Variants in TRAK1 observed in about 807,000 individuals in gnomAD.
The protein encoded by TRAK1 is trafficking kinesin protein 1.
In TRAK1, 33 loss-of-function variants were observed where a neutral mutation model predicts 92.1. The ratio of observed to expected loss-of-function variants is 0.36; its 90% CI spans 0.27 to 0.48. TRAK1 has a LOEUF of 0.48. Ranked by LOEUF, TRAK1 falls within the 20% of genes least tolerant of loss-of-function variation. The pLI, the probability that TRAK1 is intolerant of heterozygous loss-of-function variation, is 0.99. For missense variants in TRAK1, 1,123 were observed against 1,257.9 expected (o/e 0.89, Z 1.62); for synonymous variants, 521 against 517.3 (o/e 1.01, Z -0.10).
chr3:42,061,483 C>T (rs1158118316), intron 1 of TRAK1, among the ~76,000 whole-genome samples: 1 of 152,028 alleles, frequency 6.6e-6, no homozygotes, highest in African/African-American at 2.4e-5. Flanking sequence ...CAAGGAGCTA[C>T]TTTGAAGCTG....
At chr3:42,192,184 G>T (rs1301468159) in intron 7 of TRAK1, among the ~76,000 whole-genome samples, 1 of 152,064 alleles carries the variant, frequency 6.6e-6, no homozygotes, top group African/African-American at 2.4e-5. Flanking sequence ...TTACAGGCGT[G>T]AGCCACCACC....
At chr3:42,100,021 G>C (rs1043711663) in intron 1 of TRAK1, among the ~76,000 whole-genome samples, 1 of 152,114 alleles carries the variant, frequency 6.6e-6, no homozygotes, top group Non-Finnish European at 1.5e-5. Context: ...ACAGGTTTTT[G>C]CAACTTTTGG....
intron 2 of TRAK1, chr3:42,146,325 G>A (rs951328720): frequency 3.4e-6 from 1 of 297,290 alleles, no homozygotes; most frequent in African/African-American, 2.2e-5. Context: ...CCTGACCTCA[G>A]TATTGGGATA....
At chr3:42,207,312 C>T (rs1311493013) in intron 13 of TRAK1, among the ~76,000 whole-genome samples, 4 of 152,166 alleles carry the variant, frequency 2.6e-5, no homozygotes, top group Non-Finnish European at 4.4e-5. Context: ...TCCGCAGGGA[C>T]AGCAGAGAAC....
At chr3:42,158,814 C>G (rs895290260) in intron 2 of TRAK1, among the ~76,000 whole-genome samples, 1 of 146,106 alleles carries the variant, frequency 6.8e-6, no homozygotes, top group African/African-American at 2.6e-5. Context: ...AAAAAATTAG[C>G]CAGGTGTGGT....
In TRAK1 at chr3:42,223,648, G is replaced by A. The variant is rs773389622; in HGVS notation, c.2773G>A (p.Gly925Arg). ...RRNRSFPTMVGSSMQMKAPVT... is the reference protein window; with the variant it reads ...RRNRSFPTMVRSSMQMKAPVT... ...GAATCGCAGCTTCCCCACCATGGTG[G>A]GATCTAGCATGCAGATGAAAGCTCC... The change falls in exon 16 of 16, where the codon GGA (glycine) becomes AGA (arginine). Residue 925 changes from glycine to arginine, a missense_variant. This residue lies in a region of TRAK1 where 401 missense variants were observed against 438.9 expected (regional missense o/e 0.91). Transcript: ENST00000327628. This position sits in a 1 kb window ranked among gnomAD's most constrained non-coding sequence, Gnocchi z 6.1. The A allele has an allele frequency of 2.5e-6, 4 of 1,614,112 alleles. 1 individual carries two copies. The South Asian group carries it at 4.4e-5, about 18-fold the overall frequency.
At chr3:42,064,195 TG>T (rs1703576044) in intron 1 of TRAK1, among the ~76,000 whole-genome samples, 1 of 152,198 alleles carries the variant, frequency 6.6e-6, no homozygotes, top group South Asian at 2.1e-4. Flanking sequence ...GCGGGCGCTG[TG>T]GCTCAAGCCT....
At position 42,048,534 on chromosome 3, in the gene TRAK1, TTACAGTTCTTTTTTTCCTC is replaced by T. The variant is rs202165011; in HGVS notation, c.-519+34430_-519+34448del. Among the ~76,000 whole-genome samples, 994 of 151,908 alleles carry T rather than the reference TTACAGTTCTTTTTTTCCTC, an allele frequency of 6.5e-3. 49 individuals are homozygous for T. The East Asian group carries it at 0.13, about 20-fold the overall frequency. ...CTTGTAACTTTTTCTTTTTCTTCGG[TTACAGTTCTTTTTTTCCTC>T]TACAGTTCTTTTCTTTTTTTTTTTT... On this transcript the variant is annotated intron_variant, in intron 1 of 16. Transcript: ENST00000487159.
chr3:42,025,463 A>G (rs1225434434), intron 1 of TRAK1, among the ~76,000 whole-genome samples: 1 of 152,160 alleles, frequency 6.6e-6, no homozygotes, highest in Non-Finnish European at 1.5e-5. Flanking sequence ...TTACTCTTTC[A>G]ATGTCCATAA....
chr3:42,094,598 C>A (rs1705624921), intron 1 of TRAK1, among the ~76,000 whole-genome samples: 2 of 152,034 alleles, frequency 1.3e-5, no homozygotes, highest in African/African-American at 4.8e-5. Flanking sequence ...TCTTGAACTT[C>A]TGGCCTCAAG....
chr3:42,064,950 G>A (rs1312053368), intron 1 of TRAK1, among the ~76,000 whole-genome samples: 2 of 152,140 alleles, frequency 1.3e-5, no homozygotes, highest in African/African-American at 4.8e-5. Flanking sequence ...CTACGCAGGA[G>A]GTTCAGGCAG....
chr3:42,091,265 C>T (rs1338026799), upstream of TRAK1: 2 of 547,782 alleles, frequency 3.7e-6, no homozygotes, highest in Admixed American at 3.8e-5. Context: ...ACAAGATGAG[C>T]TGATAGGGTT....
chr3:42,202,918 A>T lies in TRAK1; in HGVS notation c.1744+166A>T. On this transcript the variant is annotated intron_variant, in intron 13 of 15. Transcript: ENST00000327628. The surrounding 1 kb of genome is among the most constrained non-coding windows in gnomAD (Gnocchi z 6.1). ...TTCCTCTGAGGGTGGTGCTCAGCCT[A>T]GGCCTCCGTCCCTCCCCTCTGGCTG... 1 of 1,423,858 alleles carries T rather than the reference A, an allele frequency of 7.0e-7. No homozygotes were observed. The highest frequency in any genetic ancestry group is 9.2e-7 in the Non-Finnish European group (1 of 1,088,620). The allele number at this position is 1,423,858 out of a possible 1,614,324, so 88.2% of individuals were successfully genotyped here. A position where few individuals can be genotyped will look rare whatever the true frequency, so the allele number is the denominator to read the frequency against.
At chr3:42,217,233 G>C in intron 14 of TRAK1, 2 of 984,924 alleles carry the variant, frequency 2.0e-6, no homozygotes, top group Non-Finnish European at 2.4e-6. Context: ...TCTCTCTGTT[G>C]TGTCTCAAGG....
At chr3:42,212,451 TC>T (rs1709168364) in intron 14 of TRAK1, 1 of 985,316 alleles carries the variant, frequency 1.0e-6, no homozygotes, top group Non-Finnish European at 1.2e-6. Context: ...GAGCCTGCTG[TC>T]CCATGGAGAA....
rs191534618 is a variant in TRAK1 at position 42,193,813 on chromosome 3, C to T, written c.901-11C>T. On this transcript the variant is annotated splice_polypyrimidine_tract_variant and intron_variant, in intron 8 of 15. Transcript: ENST00000327628. ...TATCTTAGGAAGTGATCTATCTTTG[C>T]CATGCTTTAGTGCGCAGTGGAAAAT... 3.7e-6 allele frequency: 6 copies of T among 1,614,002 alleles called. No homozygotes were observed. The East Asian group carries it at 1.1e-4, about 30-fold the overall frequency.
At chr3:42,115,950 G>A (rs963823828) in intron 1 of TRAK1, among the ~76,000 whole-genome samples, 1 of 152,192 alleles carries the variant, frequency 6.6e-6, no homozygotes, top group Non-Finnish European at 1.5e-5. Flanking sequence ...CTGTCTTTTA[G>A]ATCTGGGTCT....
In TRAK1 at chr3:42,072,319, C is replaced by T. The variant is rs575819330; in HGVS notation, c.-518-14785C>T. Among the ~76,000 whole-genome samples, 3 of 152,166 alleles carry T rather than the reference C, an allele frequency of 2.0e-5. No homozygotes were observed. In the East Asian group the frequency reaches 5.8e-4, roughly 29 times the overall value. ...TTTTTGGGTCTTTCAGGTGGTGCAT[C>T]TTCACTGGACCTGGGCCAGCTGGTC... On this transcript the variant is annotated intron_variant, in intron 1 of 16. Coordinates refer to the TRAK1 transcript ENST00000487159.
intron 1 of TRAK1, among the ~76,000 whole-genome samples, chr3:42,020,367 G>C (rs950487497): frequency 2.4e-4 from 37 of 152,128 alleles, no homozygotes; most frequent in Admixed American, 2.4e-3. Flanking sequence ...TAGGATAATT[G>C]TGCCTGTTTT....
Sources: gnomAD v4.1 joint callset for allele counts (sites outside exome capture counted in the v4.1 genomes callset) on GRCh38, gnomAD v4.1.1 for gene constraint, gnomAD v4.1.1 regional missense constraint, Gnocchi (gnomAD v3.1) non-coding constraint, MANE v1.5 for transcripts, NCBI Gene and HGNC (gene_info 2026-07-23, HGNC 2026-07-21) for gene names.